Variants in PTS observed in about 807,000 individuals in gnomAD.
The protein encoded by PTS is 6-pyruvoyl tetrahydrobiopterin synthase.
A neutral mutation model predicts 20.6 loss-of-function variants in PTS; 23 were observed. The ratio of observed to expected loss-of-function variants is 1.12; its 90% CI spans 0.80 to 1.58. The LOEUF (loss-of-function observed/expected upper bound fraction) is 1.58. Ranked by LOEUF, PTS falls within the 40% of genes most tolerant of loss-of-function variation. The probability of loss-of-function intolerance (pLI) is 0.00; values close to 1 mark genes in which losing one functional copy is unlikely to be tolerated. For missense variants in PTS, 186 were observed against 182.4 expected (o/e 1.02, Z -0.11); for synonymous variants, 65 against 62.5 (o/e 1.04, Z -0.19).
chr11:112,232,241 T>C (rs917945066), intron 4 of PTS, among the ~76,000 whole-genome samples: 1 of 152,084 alleles, frequency 6.6e-6, no homozygotes, highest in African/African-American at 2.4e-5. Flanking sequence ...ACCCTGTCTC[T>C]AAAAACAAAA....
At chr11:112,231,856 G>T (rs1364142861) in intron 4 of PTS, among the ~76,000 whole-genome samples, 5 of 148,996 alleles carry the variant, frequency 3.4e-5, no homozygotes, top group African/African-American at 1.2e-4. Flanking sequence ...GCAGGGGTTG[G>T]GGGGCAGGCG....
At chr11:112,228,701 C>T (rs763446744) in intron 2 of PTS, 28 bp downstream of exon 2, 1 of 1,574,072 alleles carries the variant, frequency 6.4e-7, no homozygotes, top group Non-Finnish European at 8.7e-7. Flanking sequence ...GACATTTCAG[C>T]CCTTCAATAA....
chr11:112,226,612 G>T (rs1022238974), intron 1 of PTS, 86 bp downstream of exon 1: 75 of 1,255,204 alleles, frequency 6.0e-5, no homozygotes, highest in Non-Finnish European at 7.6e-5. Flanking sequence ...GCGTGCTGAC[G>T]TCGGGCCCGG....
intron 2 of PTS, 56 bp downstream of exon 2, chr11:112,228,729 G>T: frequency 6.8e-7 from 1 of 1,472,828 alleles, no homozygotes; most frequent in East Asian, 2.3e-5. Context: ...AGAGTATTCA[G>T]CAAATGTAGA....
At chr11:112,228,374 T>C (rs1859891367) in intron 1 of PTS, 1 of 582,476 alleles carries the variant, frequency 1.7e-6, no homozygotes, top group African/African-American at 1.9e-5. Flanking sequence ...TTTGTGCTAA[T>C]TTGTATGGTA....
chr11:112,229,150 T>A, intron 2 of PTS: 1 of 174,642 alleles, frequency 5.7e-6, no homozygotes, highest in African/African-American at 2.4e-5. Flanking sequence ...ACAGCCTGCC[T>A]TAAAAAACAG....
chr11:112,227,036 T>C (rs545742294), intron 1 of PTS, among the ~76,000 whole-genome samples: 1 of 142,788 alleles, frequency 7.0e-6, no homozygotes, highest in East Asian at 2.0e-4. Context: ...ATGAACCCAG[T>C]CCCTGGTGGT....
In PTS at chr11:112,233,655, C is replaced by A. The variant is rs554390846; in HGVS notation, c.*100C>A. 2 of 1,562,722 alleles carry A rather than the reference C, an allele frequency of 1.3e-6. No homozygotes were observed. Among genetic ancestry groups the A allele is most frequent in the African/African-American group, 1.3e-5 (1 of 74,104 alleles). Reference sequence around the variant, plus strand: ...AAGAGGTCAACACGTGATTGTTGTACGTACACATTGTGCTCTGGAGTGCCT... The same window carrying A: ...AAGAGGTCAACACGTGATTGTTGTAAGTACACATTGTGCTCTGGAGTGCCT... On this transcript the variant is annotated 3_prime_UTR_variant, in exon 6 of 6. Coordinates refer to ENST00000280362, the MANE Select transcript of PTS (RefSeq NM_000317.3).
In PTS at chr11:112,227,062, A is replaced by G. The variant is rs577529827; in HGVS notation, c.83+536A>G. The stretch of plus-strand genomic sequence containing the variant: ...CCCTGGTGGTCTAGTGGCTAGGAGA[A>G]AAAAAAAAAAAAATGAGCCCAGACG... On this transcript the variant is annotated intron_variant, in intron 1 of 5. Coordinates refer to ENST00000280362, the MANE Select transcript of PTS (RefSeq NM_000317.3). Among the ~76,000 whole-genome samples, 520 of 145,932 alleles carry G rather than the reference A, an allele frequency of 3.6e-3. 2 individuals are homozygous for G. Among genetic ancestry groups the G allele is most frequent in the African/African-American group, 0.013 (500 of 39,836 alleles).
chr11:112,230,026 G>T, intron 2 of PTS, 182 bp from the exon 3 acceptor site: 1 of 663,884 alleles, frequency 1.5e-6, no homozygotes. Flanking sequence ...TGCTTTGGTT[G>T]CTAAAAAAAA....
intron 4 of PTS, among the ~76,000 whole-genome samples, chr11:112,231,557 C>A (rs1261672994): frequency 2.0e-5 from 3 of 152,124 alleles, no homozygotes; most frequent in African/African-American, 7.2e-5. Flanking sequence ...TGAGATTTGA[C>A]ATTTGCTTGA....
In PTS at chr11:112,233,762, TTA is replaced by T. The variant is rs1859977121; in HGVS notation, c.*208_*209del. The T allele has an allele frequency of 2.0e-6, 1 of 509,196 alleles. No individual in the cohort carries two copies. The highest frequency in any genetic ancestry group is 4.1e-5 in the Admixed American group (1 of 24,672). The allele number at this position is 509,196 out of a possible 1,614,324, so 31.5% of individuals were successfully genotyped here. The stretch of plus-strand genomic sequence containing the variant: ...TTGTAATATACATCCTGAAAATCAT[TTA>T]GAGAGTCTTTTATTTATAAATTAAA... On this transcript the variant is annotated 3_prime_UTR_variant, in exon 6 of 6. Transcript: ENST00000280362.
In PTS at chr11:112,233,561, G is replaced by T; in HGVS notation, c.*6G>T. ...TGGTTTATAAAGGAGAATAGCTATT[G>T]GGGTTAGCATTGCACAAAGCCCAGT... On this transcript the variant is annotated 3_prime_UTR_variant, in exon 6 of 6. Coordinates refer to ENST00000280362, the MANE Select transcript of PTS (RefSeq NM_000317.3). 1 of 1,613,400 alleles carries T rather than the reference G, an allele frequency of 6.2e-7. No homozygotes were observed. The highest frequency in any genetic ancestry group is 1.1e-5 in the South Asian group (1 of 90,946).
chr11:112,230,837 G>T (rs575383577), intron 4 of PTS, among the ~76,000 whole-genome samples, 155 bp downstream of exon 4: 3 of 152,132 alleles, frequency 2.0e-5, no homozygotes, highest in Admixed American at 6.5e-5. Flanking sequence ...AGAACTGCTC[G>T]CATGGCCTCT....
rs776555700 is a variant in PTS, at chr11:112,233,525, C to T, written c.408C>T (p.Asp136=). 1.9e-6 allele frequency: 3 copies of T among 1,613,380 alleles called. No individual in the cohort carries two copies. The highest frequency in any genetic ancestry group is 2.7e-5 in the African/African-American group (2 of 74,922). Residue 136 remains aspartate, a synonymous_variant, in exon 6 of 6, where the codon GAC becomes GAT. Coordinates refer to ENST00000280362, the MANE Select transcript of PTS (RefSeq NM_000317.3). ...VLYKVKVYET[D]NNIVVYKGE Reference sequence around the variant, plus strand: ...ATAAAGTAAAAGTATACGAAACTGACAATAATATTGTGGTTTATAAAGGAG... The same window carrying T: ...ATAAAGTAAAAGTATACGAAACTGATAATAATATTGTGGTTTATAAAGGAG...
At chr11:112,228,748 A>G in intron 2 of PTS, 75 bp downstream of exon 2, 1 of 1,347,796 alleles carries the variant, frequency 7.4e-7, no homozygotes, top group Non-Finnish European at 1.1e-6. Flanking sequence ...GACATAAAGA[A>G]TGGGAAAACT....
intron 3 of PTS, 182 bp downstream of exon 3, chr11:112,230,412 T>A: frequency 1.2e-6 from 1 of 844,022 alleles, no homozygotes; most frequent in Non-Finnish European, 2.0e-6. Flanking sequence ...TTGTCTTTAA[T>A]ATGCTGTATG....
intron 1 of PTS, among the ~76,000 whole-genome samples, chr11:112,227,763 AC>A (rs1296887542): frequency 6.6e-6 from 1 of 152,134 alleles, no homozygotes; most frequent in Non-Finnish European, 1.5e-5. Context: ...TAAGGGATCC[AC>A]TTCCATGAGC....
chr11:112,230,350 T>C (rs1859914842), intron 3 of PTS, 120 bp downstream of exon 3: 2 of 1,255,076 alleles, frequency 1.6e-6, no homozygotes, highest in Admixed American at 1.7e-5. Context: ...GGCCCTTGTA[T>C]ATGTGTGTGT....
Sources: gnomAD v4.1 joint callset for allele counts (sites outside exome capture counted in the v4.1 genomes callset) on GRCh38, gnomAD v4.1.1 for gene constraint, MANE v1.5 for transcripts, NCBI Gene and HGNC (gene_info 2026-07-23, HGNC 2026-07-21) for gene names.